PCDHA4: variants seen among roughly 807,000 people sequenced by gnomAD.
PCDHA4 encodes the protein protocadherin alpha-4.
Under a neutral mutation model 61.4 loss-of-function variants are expected in PCDHA4, and 49 were observed. The observed-to-expected ratio is 0.80, with a 90% CI of 0.63 to 1.01. The LOEUF is 1.01. Ranked by LOEUF, PCDHA4 falls within the 50% of genes least tolerant of loss-of-function variation. The pLI, the probability that PCDHA4 is intolerant of heterozygous loss-of-function variation, is 0.00. For missense variants in PCDHA4, 1,254 were observed against 1,235.8 expected (o/e 1.01, Z -0.22); for synonymous variants, 590 against 550.3 (o/e 1.07, Z -1.01).
Position 140,848,175 on chromosome 5 carries a change from A to C in PCDHA4, c.2385+38603A>C, listed in dbSNP as rs1003138626. The C allele has an allele frequency of 1.1e-4, 28 of 264,776 alleles. 3 individuals are homozygous for C. The highest frequency in any genetic ancestry group is 1.8e-4 in the Non-Finnish European group (25 of 138,828). 16.4% of individuals were successfully genotyped at this position (264,776 alleles called of 1,614,324 possible). On this transcript the variant is annotated intron_variant, in intron 1 of 3. Transcript: ENST00000530339. ...AGTCTGCTAAGAAGGCTCCAGCAAG[A>C]GAAACGGGATCTTCTGTTTCAACAA...
chr5:140,836,346 G>C (rs1774395733), intron 1 of PCDHA4: 1 of 1,613,696 alleles, frequency 6.2e-7, no homozygotes, highest in South Asian at 1.1e-5. Flanking sequence ...GAAGGACCAC[G>C]GGGAGCCCTC....
In PCDHA4 at chr5:140,926,166, C is replaced by G. The variant is rs116217295; in HGVS notation, c.2386-52783C>G. 1.9e-3 allele frequency among the ~76,000 whole-genome samples: 292 copies of G among 151,864 alleles called. 1 individual carries two copies. The highest frequency in any genetic ancestry group is 6.7e-3 in the African/African-American group (280 of 41,552). ...AGCGCGGAAAGCTCTGCAGCAGGAT[C>G]CAGCGCGGAAAGCCCCCCGCAGCAC... On this transcript the variant is annotated intron_variant, in intron 1 of 3. Coordinates refer to ENST00000530339, the MANE Select transcript of PCDHA4 (RefSeq NM_018907.4).
chr5:140,884,514 C>T (rs368331245), intron 1 of PCDHA4: 3 of 1,614,176 alleles, frequency 1.9e-6, no homozygotes, highest in African/African-American at 1.3e-5. Context: ...GGGAGTTGGT[C>T]GTACTCGCAG....
At chr5:140,965,288 T>C (rs1020237812) in intron 1 of PCDHA4, among the ~76,000 whole-genome samples, 5 of 152,216 alleles carry the variant, frequency 3.3e-5, no homozygotes, top group Non-Finnish European at 7.3e-5. Flanking sequence ...CATGGAAAGA[T>C]TTCCTCTGAT....
chr5:140,841,977 A>C (rs2150326708), intron 1 of PCDHA4: 127 of 1,613,770 alleles, frequency 7.9e-5, no homozygotes, highest in Non-Finnish European at 1.1e-4. Flanking sequence ...GATGGGGGCA[A>C]ACCTGAGCTC....
In PCDHA4 at chr5:140,848,613, G is replaced by A. The variant is rs147099629; in HGVS notation, c.2385+39041G>A. On this transcript the variant is annotated intron_variant, in intron 1 of 3. Coordinates refer to ENST00000530339, the MANE Select transcript of PCDHA4 (RefSeq NM_018907.4). ...CCACTACTCCGTCCCGGAGGAAGCC[G>A]AACACGGCACCTTCGTGGGCCGCAT... 4,268 of 1,587,382 alleles carry A rather than the reference G, an allele frequency of 2.7e-3. 465 individuals carry two copies. The highest frequency in any genetic ancestry group is 9.6e-3 in the Middle Eastern group (55 of 5,726).
In PCDHA4 at chr5:140,822,273, A is replaced by G. The variant is rs2150115074; in HGVS notation, c.2385+12701A>G. 5 of 1,614,260 alleles carry G rather than the reference A, an allele frequency of 3.1e-6. No homozygotes were observed. The East Asian group carries it at 1.1e-4, about 36-fold the overall frequency. On this transcript the variant is annotated intron_variant, in intron 1 of 3. Coordinates refer to ENST00000530339, the MANE Select transcript of PCDHA4 (RefSeq NM_018907.4). ...ATTTGGATATTGGAGCAAATGCACA[A>G]TTGAGATACAGGTTAAATCCAAACG...
At chr5:140,903,873 A>G (rs1173905704) in intron 1 of PCDHA4, among the ~76,000 whole-genome samples, 2 of 152,204 alleles carry the variant, frequency 1.3e-5, no homozygotes, top group Non-Finnish European at 2.9e-5. Context: ...GTAAAATGAC[A>G]AAGACATTGA....
chr5:140,967,756 C>T (rs1554229911), intron 1 of PCDHA4: 2 of 1,614,216 alleles, frequency 1.2e-6, no homozygotes, highest in Middle Eastern at 1.6e-4. Context: ...AAGCCTCCTC[C>T]TACCAGATCT....
chr5:140,842,208 A>C, intron 1 of PCDHA4: 1 of 1,613,638 alleles, frequency 6.2e-7, no homozygotes, highest in Non-Finnish European at 8.5e-7. Flanking sequence ...TTTAGCATAG[A>C]TCGAAATACG....
intron 1 of PCDHA4, among the ~76,000 whole-genome samples, chr5:140,949,802 A>G (rs974562597): frequency 1.3e-5 from 2 of 151,818 alleles, no homozygotes; most frequent in Admixed American, 6.6e-5. Flanking sequence ...CCTTCAATAC[A>G]TTATTTGCTT....
rs782537122 is a variant in PCDHA4 at position 140,875,892 on chromosome 5, A to G, written c.2385+66320A>G. On this transcript the variant is annotated intron_variant, in intron 1 of 3. Coordinates refer to ENST00000530339, the MANE Select transcript of PCDHA4 (RefSeq NM_018907.4). ...TGTTCAGAGAAAGGGAACAAAAGGTACCTGTTTCTGAATCTGCGCCTCTGG... is the reference window on the plus strand; with the variant it reads ...TGTTCAGAGAAAGGGAACAAAAGGTGCCTGTTTCTGAATCTGCGCCTCTGG... 9 of 1,614,044 alleles carry G rather than the reference A, an allele frequency of 5.6e-6. No homozygotes were observed. The African/African-American group carries it at 1.2e-4, about 22-fold the overall frequency.
intron 1 of PCDHA4, chr5:140,968,785 T>G: frequency 6.2e-7 from 1 of 1,614,226 alleles, no homozygotes; most frequent in Non-Finnish European, 8.5e-7. Flanking sequence ...TATCAGCCTC[T>G]GTGGCCATTA....
At chr5:140,849,740 C>T (rs2150447488) in intron 1 of PCDHA4, 1 of 1,598,420 alleles carries the variant, frequency 6.3e-7, no homozygotes, top group East Asian at 2.2e-5. Flanking sequence ...CTCTGGACCG[C>T]GAGAGTGTGT....
intron 1 of PCDHA4, among the ~76,000 whole-genome samples, chr5:140,826,906 A>T (rs1769110071): frequency 6.6e-6 from 1 of 152,170 alleles, no homozygotes; most frequent in African/African-American, 2.4e-5. Context: ...TAAATATGAT[A>T]GCATGTGAAA....
chr5:140,808,049 A>G lies in PCDHA4; in HGVS notation c.862A>G (p.Asn288Asp). Reference protein sequence around the residue: ...VYSFSNDISPNVKSKFHIDPI... With the variant: ...VYSFSNDISPDVKSKFHIDPI... ...TTCATTCTCAAATGATATTTCGCCA[A>G]ATGTGAAATCCAAGTTTCACATAGA... The change falls in exon 1 of 4, where the codon AAT becomes GAT. Residue 288 changes from asparagine to aspartate, a missense_variant. Transcript: ENST00000530339. The G allele has an allele frequency of 6.2e-7, 1 of 1,613,994 alleles. No homozygotes were observed. Among genetic ancestry groups the G allele is most frequent in the African/African-American group, 1.3e-5 (1 of 75,064 alleles).
At chr5:140,953,398 C>G (rs1247752047) in intron 1 of PCDHA4, among the ~76,000 whole-genome samples, 9 of 152,150 alleles carry the variant, frequency 5.9e-5, no homozygotes, top group Non-Finnish European at 7.3e-5. Flanking sequence ...GATTACAGTG[C>G]TGTTGCTCCT....
At chr5:140,982,984 G>A (rs558088522) in intron 3 of PCDHA4, among the ~76,000 whole-genome samples, 11 of 151,694 alleles carry the variant, frequency 7.3e-5, no homozygotes, top group Non-Finnish European at 1.5e-4. Flanking sequence ...GAAAGAAAGA[G>A]AAAAAGAAGG....
rs138948867 is a variant in PCDHA4 at position 140,849,674 on chromosome 5, C to T, written c.2385+40102C>T. 1.4e-4 allele frequency: 225 copies of T among 1,598,712 alleles called. 14 individuals carry two copies. The African/African-American group carries it at 2.2e-3, about 16-fold the overall frequency. On this transcript the variant is annotated intron_variant, in intron 1 of 3. Coordinates refer to ENST00000530339, the MANE Select transcript of PCDHA4 (RefSeq NM_018907.4). The stretch of plus-strand genomic sequence containing the variant: ...TTACCTGCTCCCTGACGCCCCACGT[C>T]CCCTTCAAGCTGGTGTCCACCTACA...
Sources: gnomAD v4.1 joint callset for allele counts (sites outside exome capture counted in the v4.1 genomes callset) on GRCh38, gnomAD v4.1.1 for gene constraint, MANE v1.5 for transcripts, NCBI Gene and HGNC (gene_info 2026-07-23, HGNC 2026-07-21) for gene names.